The following CFAP44 variants were observed in gnomAD, a reference collection of about 807,000 sequenced individuals.
CFAP44 encodes cilia and flagella associated protein 44.
A neutral mutation model predicts 216.2 loss-of-function variants in CFAP44; 134 were observed. The ratio of observed to expected loss-of-function variants is 0.62; its 90% CI spans 0.54 to 0.72. The LOEUF is 0.72. Ranked by LOEUF, CFAP44 falls within the 30% of genes least tolerant of loss-of-function variation. The pLI is 0.00. For missense variants in CFAP44, 2,035 were observed against 2,182.1 expected (o/e 0.93, Z 1.34); for synonymous variants, 700 against 727.6 (o/e 0.96, Z 0.61).
intron 22 of CFAP44, among the ~76,000 whole-genome samples, chr3:113,345,060 ATAT>A (rs1950367683): frequency 6.7e-6 from 1 of 148,506 alleles, no homozygotes; most frequent in Non-Finnish European, 1.5e-5. Context: ...ATCTCCCTAC[ATAT>A]TATATATAAT....
At chr3:113,397,212 T>C (rs9869141) in intron 13 of CFAP44, 84,124 of 159,438 alleles carry the variant, frequency 0.53, 23,564 homozygotes, top group African/African-American at 0.71. Context: ...CAAAAGGATG[T>C]TCAGGAATTA....
chr3:113,400,738 CAT>C (rs1934119448), intron 11 of CFAP44, 94 bp from the exon 12 acceptor site: 11 of 1,112,608 alleles, frequency 9.9e-6, no homozygotes, highest in South Asian at 9.5e-5. Flanking sequence ...AAATATAACA[CAT>C]GTGATTTTAT....
intron 32 of CFAP44, among the ~76,000 whole-genome samples, chr3:113,300,886 T>G (rs1419704690): frequency 6.6e-6 from 1 of 152,138 alleles, no homozygotes; most frequent in East Asian, 1.9e-4. Flanking sequence ...AGGGGACTCT[T>G]AAGTGCCGCT....
chr3:113,324,302 G>C (rs539998872), intron 28 of CFAP44, among the ~76,000 whole-genome samples: 1 of 152,036 alleles, frequency 6.6e-6, no homozygotes, highest in African/African-American at 2.4e-5. Context: ...ACCAGACAAA[G>C]ACAGTACCAA....
At chr3:113,351,325 C>T (rs1023313142) in intron 22 of CFAP44, among the ~76,000 whole-genome samples, 1 of 152,098 alleles carries the variant, frequency 6.6e-6, no homozygotes, top group Non-Finnish European at 1.5e-5. Flanking sequence ...CCTATCAGTA[C>T]CCCTCAAAGC....
intron 24 of CFAP44, 134 bp downstream of exon 24, chr3:113,341,610 T>G: frequency 9.5e-7 from 1 of 1,051,890 alleles, no homozygotes; most frequent in Non-Finnish European, 1.3e-6. Flanking sequence ...TTATAATATC[T>G]CCTTCTTTGT....
chr3:113,429,777 A>G (rs141804798), intron 2 of CFAP44, among the ~76,000 whole-genome samples: 144 of 151,938 alleles, frequency 9.5e-4, no homozygotes, highest in Middle Eastern at 3.4e-3. Flanking sequence ...TTAGAATTCT[A>G]TTTAAATTTC....
At chr3:113,334,235 C>A (rs1950263676) in intron 24 of CFAP44, among the ~76,000 whole-genome samples, 1 of 152,182 alleles carries the variant, frequency 6.6e-6, no homozygotes, top group East Asian at 1.9e-4. Context: ...TAGGTGTGAG[C>A]CATCATGCCC....
At chr3:113,298,465 C>G (rs1304937308) in intron 32 of CFAP44, among the ~76,000 whole-genome samples, 3 of 152,170 alleles carry the variant, frequency 2.0e-5, no homozygotes, top group Non-Finnish European at 4.4e-5. Context: ...TATGGTCCAG[C>G]CATATATCCC....
chr3:113,317,442 T>G (rs1229261184), intron 28 of CFAP44, among the ~76,000 whole-genome samples: 2 of 152,312 alleles, frequency 1.3e-5, no homozygotes, highest in East Asian at 3.9e-4. Flanking sequence ...CAAGCCCTCC[T>G]GCCTGCCAGT....
At chr3:113,422,487 G>A (rs1934843608) in intron 4 of CFAP44, among the ~76,000 whole-genome samples, 1 of 152,146 alleles carries the variant, frequency 6.6e-6, no homozygotes, top group African/African-American at 2.4e-5. Flanking sequence ...GAGAGATAAA[G>A]CATTTCAGGG....
chr3:113,316,828 C>T (rs1476043031), intron 28 of CFAP44, among the ~76,000 whole-genome samples: 1 of 149,934 alleles, frequency 6.7e-6, no homozygotes, highest in African/African-American at 2.5e-5. Context: ...AAGATCACGC[C>T]ACTGCACTCC....
At chr3:113,372,491 G>A (rs1212724274) in intron 18 of CFAP44, among the ~76,000 whole-genome samples, 2 of 152,042 alleles carry the variant, frequency 1.3e-5, no homozygotes, top group Admixed American at 6.6e-5. Flanking sequence ...AGAAAACCAA[G>A]CACCACATAT....
chr3:113,434,688 A>C (rs1192929212), intron 1 of CFAP44: 3 of 152,234 alleles, frequency 2.0e-5, no homozygotes, highest in Non-Finnish European at 2.9e-5. Context: ...CACTAGTTCT[A>C]TTTGGATCAG....
At chr3:113,420,858 T>C (rs888319233) in intron 4 of CFAP44, among the ~76,000 whole-genome samples, 2 of 152,226 alleles carry the variant, frequency 1.3e-5, no homozygotes, top group African/African-American at 4.8e-5. Context: ...TAAATATATA[T>C]GTAATTAATA....
chr3:113,353,460 ACACAC>A (rs1950464436), intron 22 of CFAP44, among the ~76,000 whole-genome samples: 1 of 78,752 alleles, frequency 1.3e-5, no homozygotes, highest in Non-Finnish European at 2.4e-5. Context: ...GAATACACAC[ACACAC>A]ACACACACAC....
At position 113,353,429 on chromosome 3, in the gene CFAP44, T is replaced by C. The variant is rs531524118; in HGVS notation, c.3065+5316A>G. ...GTACTTACATACCTAAGTTTGCGAG[T>C]TAGGATTCATATATATGTATGAATA... On this transcript the variant is annotated intron_variant, in intron 22 of 34. Coordinates refer to ENST00000393845, the MANE Select transcript of CFAP44 (RefSeq NM_001164496.2). Among the ~76,000 whole-genome samples, 110 of 148,172 alleles carry C rather than the reference T, an allele frequency of 7.4e-4. 1 individual carries two copies. Among genetic ancestry groups the C allele is most frequent in the African/African-American group, 2.5e-3 (100 of 39,898 alleles).
intron 28 of CFAP44, among the ~76,000 whole-genome samples, chr3:113,319,509 A>C (rs990347144): frequency 6.6e-6 from 1 of 152,218 alleles, no homozygotes; most frequent in Non-Finnish European, 1.5e-5. Context: ...CATCCCACTG[A>C]CAGCATTAGA....
chr3:113,297,480 G>A (rs2107787735), intron 32 of CFAP44, among the ~76,000 whole-genome samples: 1 of 152,206 alleles, frequency 6.6e-6, no homozygotes, highest in Middle Eastern at 3.4e-3. Flanking sequence ...CACACGGCTT[G>A]CTCCTCCCAG....
Sources: allele counts gnomAD v4.1 joint callset (sites outside exome capture counted in the v4.1 genomes callset), GRCh38; gene constraint gnomAD v4.1.1; transcripts MANE v1.5; gene names NCBI Gene and HGNC (gene_info 2026-07-23, HGNC 2026-07-21).